PTPRO: variants seen among roughly 807,000 people sequenced by gnomAD.
PTPRO encodes the protein protein tyrosine phosphatase receptor type O, also known as receptor-type tyrosine-protein phosphatase O.
In PTPRO, 62 loss-of-function variants were observed where a neutral mutation model predicts 145.2. The ratio of observed to expected loss-of-function variants is 0.43; its 90% CI spans 0.35 to 0.53. PTPRO has a LOEUF of 0.53. Among genes scored for constraint, PTPRO ranks in the 20% least tolerant of loss-of-function variants. The probability of loss-of-function intolerance (pLI) is 0.01; values close to 1 mark genes in which losing one functional copy is unlikely to be tolerated. For missense variants in PTPRO, 1,345 were observed against 1,482.7 expected, an observed-to-expected ratio of 0.91 and a Z score of 1.53; for synonymous variants, 565 against 514.7, an observed-to-expected ratio of 1.10 and a Z score of -1.32.
At chr12:15,509,248 G>GA (rs1166051050) in intron 7 of PTPRO, among the ~76,000 whole-genome samples, 5 of 152,000 alleles carry the variant, frequency 3.3e-5, no homozygotes, top group African/African-American at 7.2e-5. Flanking sequence ...AAACTGGTTG[G>GA]AAAAAACATC....
At chr12:15,519,441 G>C (rs1243056309) in intron 9 of PTPRO, among the ~76,000 whole-genome samples, 3 of 152,172 alleles carry the variant, frequency 2.0e-5, no homozygotes, top group East Asian at 3.8e-4. Flanking sequence ...TGTTTTGAGA[G>C]GGAGAGAAAG....
chr12:15,558,060 G>C (rs1028875138), intron 16 of PTPRO, among the ~76,000 whole-genome samples: 1 of 151,700 alleles, frequency 6.6e-6, no homozygotes, highest in Non-Finnish European at 1.5e-5. Flanking sequence ...TCAGCCTCCC[G>C]AGTAGCTGGG....
At chr12:15,480,444 C>G (rs918128907) in intron 1 of PTPRO, among the ~76,000 whole-genome samples, 1 of 152,154 alleles carries the variant, frequency 6.6e-6, no homozygotes, top group Admixed American at 6.5e-5. Context: ...CACATGCTTT[C>G]TCGTGGGTGG....
At chr12:15,436,339 T>A (rs1591809780) in intron 1 of PTPRO, among the ~76,000 whole-genome samples, 1 of 152,312 alleles carries the variant, frequency 6.6e-6, no homozygotes, top group African/African-American at 2.4e-5. Context: ...TATAAAAAGT[T>A]AAAGCAAACA....
At chr12:15,475,001 G>A (rs963702012) in intron 1 of PTPRO, among the ~76,000 whole-genome samples, 6 of 152,208 alleles carry the variant, frequency 3.9e-5, no homozygotes, top group African/African-American at 1.4e-4. Context: ...ACCTGGAAGT[G>A]CATGGGCCAA....
At chr12:15,493,191 C>T (rs1480270426) in intron 2 of PTPRO, among the ~76,000 whole-genome samples, 1 of 152,048 alleles carries the variant, frequency 6.6e-6, no homozygotes, top group Non-Finnish European at 1.5e-5. Context: ...AAAAAAACAA[C>T]ATCTTCAAAG....
rs531955407 is a variant in PTPRO at position 15,440,413 on chromosome 12, T to C, written c.76-43561T>C. Reference sequence around the variant, plus strand: ...CTGTGGCTACAACATAGGATTTTTATACAAGAAAAATAAAGTGAATTAAGC... The same window carrying C: ...CTGTGGCTACAACATAGGATTTTTACACAAGAAAAATAAAGTGAATTAAGC... On this transcript the variant is annotated intron_variant, in intron 1 of 26. Transcript: ENST00000281171. The C allele has an allele frequency of 1.5e-3, 395 of 265,582 alleles. 1 individual carries two copies. The highest frequency in any genetic ancestry group is 2.3e-3 in the Non-Finnish European group (324 of 140,674). 16.5% of individuals were successfully genotyped at this position (265,582 alleles called of 1,614,324 possible). A position where few individuals can be genotyped will look rare whatever the true frequency, so the allele number is the denominator to read the frequency against.
At chr12:15,554,599 G>A (rs969773161) in intron 15 of PTPRO, among the ~76,000 whole-genome samples, 7 of 152,054 alleles carry the variant, frequency 4.6e-5, no homozygotes, top group East Asian at 1.9e-4. Flanking sequence ...GGCAGGAAGC[G>A]TCCAGCACAG....
At position 15,360,836 on chromosome 12, in the gene PTPRO, ATACGTGTGTATATATG is replaced by A. The variant is rs1326029565; in HGVS notation, c.75+38037_75+38052del. Among the ~76,000 whole-genome samples, 349 of 130,666 alleles carry A rather than the reference ATACGTGTGTATATATG, an allele frequency of 2.7e-3. 4 individuals are homozygous for A. Among genetic ancestry groups the A allele is most frequent in the African/African-American group, 8.7e-3 (321 of 36,842 alleles). The allele number at this position is 130,666 out of a possible 152,430, so 85.7% of individuals were successfully genotyped here. A position where few individuals can be genotyped will look rare whatever the true frequency, so the allele number is the denominator to read the frequency against. On this transcript the variant is annotated intron_variant, in intron 1 of 26. Coordinates refer to ENST00000281171, the MANE Select transcript of PTPRO (RefSeq NM_030667.3). ...TGTGTATATATGTGTGTGTATATAT[ATACGTGTGTATATATG>A]TGTGTGTATATATGTGTGTATATAC...
intron 1 of PTPRO, among the ~76,000 whole-genome samples, chr12:15,422,381 G>T (rs1410808670): frequency 3.3e-5 from 5 of 152,084 alleles, no homozygotes; most frequent in African/African-American, 1.2e-4. Flanking sequence ...GTACAAAAAT[G>T]ACTTTATGAT....
chr12:15,580,864 A>C (rs771316372), intron 22 of PTPRO, 33 bp downstream of exon 22: 1 of 1,613,292 alleles, frequency 6.2e-7, no homozygotes, highest in Admixed American at 1.7e-5. Flanking sequence ...CCCACTTAGC[A>C]GCAAAACCTG....
At chr12:15,354,780 G>A (rs192604969) in intron 1 of PTPRO, among the ~76,000 whole-genome samples, 131 of 152,174 alleles carry the variant, frequency 8.6e-4, no homozygotes, top group South Asian at 1.2e-3. Context: ...AGACAACCCC[G>A]TTTTACAAAT....
chr12:15,503,770 G>C (rs760813042), intron 5 of PTPRO, 138 bp from the exon 6 acceptor site: 17 of 637,348 alleles, frequency 2.7e-5, no homozygotes, highest in Non-Finnish European at 4.3e-5. Flanking sequence ...GGTACCTTTA[G>C]TTTAGAGGTG....
intron 7 of PTPRO, among the ~76,000 whole-genome samples, chr12:15,513,496 G>T (rs1044802223): frequency 2.0e-5 from 3 of 152,118 alleles, no homozygotes; most frequent in Non-Finnish European, 4.4e-5. Flanking sequence ...AATAAATTTT[G>T]GTATATGGCT....
At chr12:15,368,320 A>T (rs1266506418) in intron 1 of PTPRO, among the ~76,000 whole-genome samples, 3 of 152,202 alleles carry the variant, frequency 2.0e-5, no homozygotes, top group Non-Finnish European at 4.4e-5. Context: ...CAAATTCAAT[A>T]TTAGGAAGCC....
chr12:15,433,430 G>A (rs1479464256), intron 1 of PTPRO, among the ~76,000 whole-genome samples: 5 of 152,072 alleles, frequency 3.3e-5, no homozygotes, highest in South Asian at 2.1e-4. Flanking sequence ...TGATCCGCCC[G>A]CCTTGGCCTC....
At chr12:15,337,197 A>AGTC (rs1866793987) in intron 1 of PTPRO, among the ~76,000 whole-genome samples, 1 of 152,084 alleles carries the variant, frequency 6.6e-6, no homozygotes, top group African/African-American at 2.4e-5. Context: ...CAGCAAGACT[A>AGTC]TCATTCATTG....
chr12:15,542,029 A>G (rs960740422), intron 12 of PTPRO, among the ~76,000 whole-genome samples: 1 of 152,120 alleles, frequency 6.6e-6, no homozygotes, highest in African/African-American at 2.4e-5. Flanking sequence ...AAATAGTCAC[A>G]TTCTGAGGTA....
chr12:15,403,945 T>C (rs1429971569), intron 1 of PTPRO, among the ~76,000 whole-genome samples: 1 of 151,828 alleles, frequency 6.6e-6, no homozygotes, highest in East Asian at 1.9e-4. Context: ...CACCTGTAAT[T>C]CCAGCACTTT....
Sources: gnomAD v4.1 joint callset for allele counts (sites outside exome capture counted in the v4.1 genomes callset) on GRCh38, gnomAD v4.1.1 for gene constraint, MANE v1.5 for transcripts, NCBI Gene and HGNC (gene_info 2026-07-23, HGNC 2026-07-21) for gene names.